Variants in CIT observed in about 807,000 individuals in gnomAD.
CIT encodes citron Rho-interacting kinase.
In CIT, 79 loss-of-function variants were observed where a neutral mutation model predicts 272.7. The observed-to-expected ratio is 0.29, with a 90% CI of 0.24 to 0.35. CIT has a LOEUF of 0.35. CIT is among the 10% of genes least tolerant of loss of function. The pLI is 1.00. For missense variants in CIT, 1,909 were observed against 2,618.3 expected (o/e 0.73, Z 5.91); for synonymous variants, 948 against 995.6 (o/e 0.95, Z 0.90).
At chr12:119,821,699 A>C (rs1016469982) in intron 9 of CIT, among the ~76,000 whole-genome samples, 2 of 152,236 alleles carry the variant, frequency 1.3e-5, no homozygotes, top group African/African-American at 4.8e-5. Flanking sequence ...CATCTAAAAG[A>C]AAGTCTATTA....
At position 119,757,273 on chromosome 12, in the gene CIT, T is replaced by C. The variant is rs1961117596; in HGVS notation, c.2706+98A>G. On this transcript the variant is annotated intron_variant, in intron 22 of 47. Transcript: ENST00000392521. Reference sequence around the variant, plus strand: ...CTGCCCCCTTAACCACCAAGCACAATGTCTCTTGTATAGATATTGATTTGT... The same window carrying C: ...CTGCCCCCTTAACCACCAAGCACAACGTCTCTTGTATAGATATTGATTTGT... 2.8e-6 allele frequency: 4 copies of C among 1,452,296 alleles called. No homozygotes were observed. In the South Asian group the frequency reaches 3.8e-5, roughly 14 times the overall value. 90.0% of individuals were successfully genotyped at this position (1,452,296 alleles called of 1,614,324 possible).
At chr12:119,811,588 A>G (rs1317637598) in intron 9 of CIT, among the ~76,000 whole-genome samples, 5 of 152,212 alleles carry the variant, frequency 3.3e-5, no homozygotes, top group Non-Finnish European at 7.3e-5. Flanking sequence ...GGTGGATTTC[A>G]ATGGAGATGT....
intron 16 of CIT, among the ~76,000 whole-genome samples, chr12:119,775,340 A>T (rs1035112263): frequency 4.6e-5 from 7 of 152,228 alleles, no homozygotes; most frequent in Admixed American, 3.9e-4. Context: ...CAAACTTTGC[A>T]GGATGCTATA....
Position 119,784,695 on chromosome 12 carries a change from G to C in CIT, c.1401+265C>G. ...CCCAGGCCACCTGCCGGAAGAAGCA[G>C]ACATCTGGCTGGGTCATGCTGAGAA... On this transcript the variant is annotated intron_variant, in intron 11 of 47. Transcript: ENST00000392521. This position sits in a 1 kb window ranked among gnomAD's most constrained non-coding sequence, Gnocchi z 4.7. The C allele has an allele frequency of 7.6e-7, 1 of 1,319,064 alleles. No homozygotes were observed. The highest frequency in any genetic ancestry group is 3.1e-5 in the East Asian group (1 of 31,950). The allele number at this position is 1,319,064 out of a possible 1,614,324, so 81.7% of individuals were successfully genotyped here.
chr12:119,838,952 G>T (rs1969212804), intron 5 of CIT, among the ~76,000 whole-genome samples: 1 of 152,170 alleles, frequency 6.6e-6, no homozygotes, highest in African/African-American at 2.4e-5. Flanking sequence ...AAACAATGTG[G>T]CAACCCCGCT....
chr12:119,869,745 G>A (rs1367396111), intron 2 of CIT, among the ~76,000 whole-genome samples: 1 of 152,208 alleles, frequency 6.6e-6, no homozygotes, highest in Non-Finnish European at 1.5e-5. Flanking sequence ...TGTTTGGCCT[G>A]TAGTGTTTAA....
Position 119,863,127 on chromosome 12 carries a change from G to A in CIT, c.239-5429C>T, listed in dbSNP as rs182190202. On this transcript the variant is annotated intron_variant, in intron 3 of 47. Transcript: ENST00000392521. ...TAAGGCAAGAGAATCACTTGAACCC[G>A]GGAGGCAGAGGTTGCAGTGAGCCAA... Among the ~76,000 whole-genome samples, 378 of 144,574 alleles carry A rather than the reference G, an allele frequency of 2.6e-3. 2 individuals are homozygous for A. The highest frequency in any genetic ancestry group is 9.2e-3 in the African/African-American group (356 of 38,774). 94.8% of individuals were successfully genotyped at this position (144,574 alleles called of 152,430 possible).
At chr12:119,737,429 AG>A (rs1205755458) in intron 24 of CIT, among the ~76,000 whole-genome samples, 1 of 151,646 alleles carries the variant, frequency 6.6e-6, no homozygotes, top group African/African-American at 2.4e-5. Context: ...TTGCCATTCA[AG>A]GATGTACTTA....
chr12:119,697,553 A>C lies in CIT; in HGVS notation c.5882+106T>G. The C allele has an allele frequency of 8.3e-7, 1 of 1,203,022 alleles. No homozygotes were observed. Among genetic ancestry groups the C allele is most frequent in the South Asian group, 1.4e-5 (1 of 69,446 alleles). 74.5% of individuals were successfully genotyped at this position (1,203,022 alleles called of 1,614,324 possible). A position where few individuals can be genotyped will look rare whatever the true frequency, so the allele number is the denominator to read the frequency against. ...AACAAATGAATGGTTTGAGCTTAAG[A>C]ACAAAGTGAAGATTGGGAAACATTC... On this transcript the variant is annotated intron_variant, in intron 46 of 47. Transcript: ENST00000392521. The surrounding 1 kb of genome is among the most constrained non-coding windows in gnomAD (Gnocchi z 4.9).
intron 16 of CIT, among the ~76,000 whole-genome samples, chr12:119,774,273 T>G (rs952548519): frequency 6.6e-6 from 1 of 151,990 alleles, no homozygotes; most frequent in African/African-American, 2.4e-5. Flanking sequence ...AGATGGTAAT[T>G]TAATGTTATG....
intron 9 of CIT, among the ~76,000 whole-genome samples, chr12:119,814,130 G>A (rs1187185473): frequency 4.6e-5 from 7 of 151,594 alleles, no homozygotes. Context: ...TTTTAATATT[G>A]CAATTATTTC....
At chr12:119,839,435 C>A (rs576596662) in intron 5 of CIT, among the ~76,000 whole-genome samples, 18 of 152,288 alleles carry the variant, frequency 1.2e-4, no homozygotes, top group African/African-American at 4.3e-4. Context: ...AATGTAATGA[C>A]GCTGGCGGCA....
chr12:119,799,161 T>G (rs1965980952), intron 10 of CIT, among the ~76,000 whole-genome samples: 1 of 152,176 alleles, frequency 6.6e-6, no homozygotes. Context: ...TGGTATGACT[T>G]TGGACTACCT....
chr12:119,832,518 T>A (rs1309034088), intron 7 of CIT, among the ~76,000 whole-genome samples: 1 of 152,106 alleles, frequency 6.6e-6, no homozygotes, highest in Non-Finnish European at 1.5e-5. Flanking sequence ...AGAAACAAAA[T>A]AAGCATTTTC....
chr12:119,739,274 G>A (rs578192637), intron 24 of CIT, among the ~76,000 whole-genome samples: 8 of 152,302 alleles, frequency 5.3e-5, no homozygotes, highest in African/African-American at 1.9e-4. Flanking sequence ...GGTTTTAGGT[G>A]CCAGATTGAA....
intron 17 of CIT, among the ~76,000 whole-genome samples, chr12:119,771,809 G>T (rs770302979): frequency 6.6e-6 from 1 of 152,154 alleles, no homozygotes; most frequent in Non-Finnish European, 1.5e-5. Flanking sequence ...GAGACGTATG[G>T]CTGCATTTAT....
chr12:119,784,206 G>A lies in CIT; in HGVS notation c.1402-155C>T. ...GGAAATACCATTGTTTCTTCGCCCA[G>A]GAGCGCACAGTTCTTCGTTAAGGAC... On this transcript the variant is annotated intron_variant, in intron 11 of 47. Coordinates refer to ENST00000392521, the MANE Select transcript of CIT (RefSeq NM_001206999.2). The surrounding 1 kb of genome is among the most constrained non-coding windows in gnomAD (Gnocchi z 4.7). The A allele has an allele frequency of 1.2e-6, 2 of 1,604,718 alleles. No homozygotes were observed.
At chr12:119,707,961 C>T (rs979426473) in intron 40 of CIT, among the ~76,000 whole-genome samples, 7 of 152,208 alleles carry the variant, frequency 4.6e-5, no homozygotes, top group African/African-American at 1.7e-4. Context: ...CTCTGTCTTC[C>T]TTTATCTCCC....
chr12:119,873,646 G>A (rs1416887200), intron 2 of CIT, among the ~76,000 whole-genome samples: 5 of 152,070 alleles, frequency 3.3e-5, no homozygotes, highest in Non-Finnish European at 7.4e-5. Flanking sequence ...GCCATCTAAG[G>A]TTAAAGACAG....
Sources: gnomAD v4.1 joint callset for allele counts (sites outside exome capture counted in the v4.1 genomes callset) on GRCh38, gnomAD v4.1.1 for gene constraint, Gnocchi (gnomAD v3.1) non-coding constraint, MANE v1.5 for transcripts, NCBI Gene and HGNC (gene_info 2026-07-23, HGNC 2026-07-21) for gene names.